The following RMDN2 variants were observed in gnomAD, a reference collection of about 807,000 sequenced individuals.
RMDN2 encodes regulator of microtubule dynamics 2.
A neutral mutation model predicts 52.8 loss-of-function variants in RMDN2; 61 were observed. The observed-to-expected ratio is 1.16, with a 90% CI of 0.94 to 1.43. The LOEUF is 1.43. Ranked by LOEUF, RMDN2 falls within the 40% of genes most tolerant of loss-of-function variation. The pLI is 0.00. For synonymous variants in RMDN2, 180 were observed against 153.1 expected (o/e 1.18, Z -1.30); for missense variants, 592 against 475.3 (o/e 1.25, Z -2.28).
At chr2:37,955,346 A>G (rs1157359081) in intron 2 of RMDN2, among the ~76,000 whole-genome samples, 3 of 152,106 alleles carry the variant, frequency 2.0e-5, no homozygotes, top group African/African-American at 7.2e-5. Context: ...TATGGCCTTT[A>G]ATATGTCGAA....
chr2:37,989,690 G>T (rs960478092), intron 6 of RMDN2, 74 bp downstream of exon 6: 106 of 999,356 alleles, frequency 1.1e-4, no homozygotes, highest in Non-Finnish European at 1.5e-4. Context: ...TAATAAAAAT[G>T]TTTTAATGTA....
chr2:37,948,061 C>G (rs1417352687), intron 2 of RMDN2, among the ~76,000 whole-genome samples: 1 of 152,160 alleles, frequency 6.6e-6, no homozygotes, highest in African/African-American at 2.4e-5. Flanking sequence ...TGGGGGTCGT[C>G]ATGACCCGTA....
chr2:37,952,958 T>C (rs1405542791), intron 2 of RMDN2: 2 of 151,980 alleles, frequency 1.3e-5, no homozygotes, highest in African/African-American at 4.8e-5. Context: ...ATAAAGTATT[T>C]ATCAAAGTAG....
At chr2:37,988,561 G>C (rs186644944) in intron 5 of RMDN2, among the ~76,000 whole-genome samples, 1 of 152,228 alleles carries the variant, frequency 6.6e-6, no homozygotes, top group Admixed American at 6.5e-5. Context: ...TGGTCTTACT[G>C]TTCCAAATTA....
chr2:38,017,681 G>GAAAACAAAA lies in RMDN2; in HGVS notation c.*442_*443insAAAACAAAA. 1 of 565,694 alleles carries GAAAACAAAA rather than the reference G, an allele frequency of 1.8e-6. No homozygotes were observed. The highest frequency in any genetic ancestry group is 2.8e-6 in the Non-Finnish European group (1 of 354,316). The allele number at this position is 565,694 out of a possible 1,614,324, so 35.0% of individuals were successfully genotyped here. A position where few individuals can be genotyped will look rare whatever the true frequency, so the allele number is the denominator to read the frequency against. On this transcript the variant is annotated 3_prime_UTR_variant, in exon 11 of 11. Transcript: ENST00000354545. The stretch of plus-strand genomic sequence containing the variant: ...AGAAGAGGAAAAACAAACAAATGTA[G>GAAAACAAAA]TATTGTAACTGGTAATCAAAAGATG...
intron 10 of RMDN2, among the ~76,000 whole-genome samples, chr2:38,041,427 G>GGTTTTTT (rs376036805): frequency 8.3e-6 from 1 of 120,092 alleles, no homozygotes; most frequent in South Asian, 2.8e-4. Flanking sequence ...TTTTTTATTG[G>GGTTTTTT]TTTTTTTTTT....
intron 10 of RMDN2, among the ~76,000 whole-genome samples, chr2:38,057,774 A>T (rs574008752): frequency 2.6e-4 from 40 of 152,266 alleles, no homozygotes; most frequent in African/African-American, 9.6e-4. Context: ...GTTGTTTAAA[A>T]GTATGTAGCA....
intron 4 of RMDN2, among the ~76,000 whole-genome samples, chr2:37,977,417 C>T (rs916359427): frequency 1.3e-5 from 2 of 149,352 alleles, no homozygotes; most frequent in African/African-American, 4.9e-5. Context: ...ACGGGTCGGC[C>T]GGGCAGAGGC....
chr2:38,047,363 A>T (rs760669217), intron 10 of RMDN2, among the ~76,000 whole-genome samples: 1 of 152,264 alleles, frequency 6.6e-6, no homozygotes, highest in African/African-American at 2.4e-5. Context: ...CAGTAGAAAT[A>T]ATACAAATGT....
intron 2 of RMDN2, among the ~76,000 whole-genome samples, chr2:37,951,080 C>A (rs555031315): frequency 6.6e-6 from 1 of 152,072 alleles, no homozygotes; most frequent in East Asian, 1.9e-4. Context: ...TTAAGCTCCC[C>A]TATTCTTCTT....
chr2:37,974,236 C>T, intron 3 of RMDN2, 22 bp downstream of exon 3: 1 of 1,534,514 alleles, frequency 6.5e-7, no homozygotes, highest in South Asian at 1.2e-5. Flanking sequence ...AACAATAGCA[C>T]TTCGTATAGT....
At chr2:37,988,245 G>A (rs1437059597) in intron 5 of RMDN2, among the ~76,000 whole-genome samples, 2 of 152,180 alleles carry the variant, frequency 1.3e-5, no homozygotes, top group African/African-American at 4.8e-5. Flanking sequence ...CAGTTTGAGA[G>A]TCATTTTCTG....
At chr2:37,951,974 T>C in intron 2 of RMDN2, 3 of 1,613,514 alleles carry the variant, frequency 1.9e-6, no homozygotes, top group Non-Finnish European at 2.5e-6. Flanking sequence ...ATCCTCGTCC[T>C]GAAAGTTACA....
chr2:37,937,044 C>G lies in RMDN2; in HGVS notation c.452+7315C>G, dbSNP rs1667354683. 2.0e-5 allele frequency among the ~76,000 whole-genome samples: 3 copies of G among 152,064 alleles called. No individual in the cohort carries two copies. The South Asian group carries it at 6.2e-4, about 31-fold the overall frequency. Reference sequence around the variant, plus strand: ...GGTTTTCAGGTCTTAACGCTTAAGTCTTTAATCCAATCCATCTTGAGTTAA... The same window carrying G: ...GGTTTTCAGGTCTTAACGCTTAAGTGTTTAATCCAATCCATCTTGAGTTAA... On this transcript the variant is annotated intron_variant, in intron 2 of 10. Coordinates refer to ENST00000354545, the MANE Select transcript of RMDN2 (RefSeq NM_001170791.3).
At chr2:37,964,153 G>A (rs1670712271) in intron 2 of RMDN2, among the ~76,000 whole-genome samples, 1 of 151,672 alleles carries the variant, frequency 6.6e-6, no homozygotes, top group South Asian at 2.1e-4. Context: ...CGCCTGCCGG[G>A]CGGAGGGGCT....
chr2:38,019,006 G>C (rs376394846), downstream of RMDN2, among the ~76,000 whole-genome samples: 12 of 152,352 alleles, frequency 7.9e-5, no homozygotes, highest in East Asian at 1.2e-3. Flanking sequence ...TCAAGATACT[G>C]AATCAGTCCA....
chr2:38,010,567 G>A (rs1573078558), intron 10 of RMDN2, among the ~76,000 whole-genome samples: 1 of 152,186 alleles, frequency 6.6e-6, no homozygotes, highest in East Asian at 1.9e-4. Flanking sequence ...GAAAAGCGCA[G>A]TATTAGGGTG....
rs1356254708 is a variant in RMDN2 at position 37,952,097 on chromosome 2, C to G, written c.453-21943C>G. On this transcript the variant is annotated intron_variant, in intron 2 of 10. Transcript: ENST00000354545. The stretch of plus-strand genomic sequence containing the variant: ...CTTATAAAAATTCTGGTTGCTTTAT[C>G]CCACCTCAAAGCGAATTAACTTCAG... 2 of 1,613,096 alleles carry G rather than the reference C, an allele frequency of 1.2e-6. No individual in the cohort carries two copies. Among genetic ancestry groups the G allele is most frequent in the African/African-American group, 2.7e-5 (2 of 74,852 alleles).
chr2:38,044,895 C>A (rs965200134), intron 10 of RMDN2, among the ~76,000 whole-genome samples: 1 of 152,026 alleles, frequency 6.6e-6, no homozygotes, highest in African/African-American at 2.4e-5. Flanking sequence ...AAACCCTAAT[C>A]CTAGTATAAT....
Sources: gnomAD v4.1 joint callset for allele counts (sites outside exome capture counted in the v4.1 genomes callset) on GRCh38, gnomAD v4.1.1 for gene constraint, MANE v1.5 for transcripts, NCBI Gene and HGNC (gene_info 2026-07-23, HGNC 2026-07-21) for gene names.